SPTBN2: variants seen among roughly 807,000 people sequenced by gnomAD.
SPTBN2 encodes the protein spectrin beta chain, non-erythrocytic 2.
SPTBN2 carries 107 observed loss-of-function variants against 284.2 expected under a neutral mutation model. That is an observed-to-expected ratio of 0.38 (90% CI 0.32 to 0.44). The LOEUF is 0.44. Ranked by LOEUF, SPTBN2 falls within the 20% of genes least tolerant of loss-of-function variation. SPTBN2 has a pLI of 1.00. For missense variants in SPTBN2, 2,569 were observed against 3,287.1 expected (o/e 0.78, Z 5.34); for synonymous variants, 1,289 against 1,354.8 (o/e 0.95, Z 1.07).
chr11:66,737,217 G>A (rs973757611), intron 1 of SPTBN2, among the ~76,000 whole-genome samples: 2 of 152,118 alleles, frequency 1.3e-5, no homozygotes, highest in African/African-American at 4.8e-5. Flanking sequence ...TGTTAAAGGG[G>A]GAGATTATTT....
intron 36 of SPTBN2, 53 bp from the exon 37 acceptor site, chr11:66,686,493 T>C (rs1372899555): frequency 6.2e-7 from 1 of 1,604,160 alleles, no homozygotes; most frequent in Non-Finnish European, 8.5e-7. Flanking sequence ...ATCTGCCAGG[T>C]AGCTGCTGGT....
chr11:66,699,510 A>G lies in SPTBN2; in HGVS notation c.3672T>C (p.Asn1224=), dbSNP rs1941124355. The G allele has an allele frequency of 6.2e-7, 1 of 1,613,876 alleles. No homozygotes were observed. The highest frequency in any genetic ancestry group is 8.5e-7 in the Non-Finnish European group (1 of 1,179,992). The change falls in exon 18 of 38, where the codon AAT becomes AAC. Residue 1224 remains asparagine (N), a synonymous_variant. Transcript: ENST00000533211. ...CCAGGAGCCCGTGGATCCGTTCCCC[A>G]TTGGCGTCCATGGTGCTCATGAAGT... ...LEDFMSTMDA[N]GERIHGLLEA...
chr11:66,713,368 A>T (rs1218284456), intron 8 of SPTBN2, among the ~76,000 whole-genome samples: 1 of 151,378 alleles, frequency 6.6e-6, no homozygotes, highest in South Asian at 2.1e-4. Context: ...CCAGGCTGGT[A>T]CCAAACTCCT....
chr11:66,723,292 A>T (rs901015849), intron 1 of SPTBN2, among the ~76,000 whole-genome samples: 2 of 151,966 alleles, frequency 1.3e-5, no homozygotes, highest in African/African-American at 4.8e-5. Flanking sequence ...CTGGGTCTGT[A>T]ACTTTAACAA....
intron 7 of SPTBN2, 25 bp from the exon 8 acceptor site, chr11:66,713,771 G>A (rs1338109415): frequency 2.0e-6 from 3 of 1,534,660 alleles, no homozygotes; most frequent in Non-Finnish European, 2.7e-6. Flanking sequence ...AAGACAGAAG[G>A]GATCAGAAAC....
chr11:66,731,979 A>C (rs1482992775), upstream of SPTBN2, among the ~76,000 whole-genome samples: 2 of 152,242 alleles, frequency 1.3e-5, no homozygotes, highest in African/African-American at 4.8e-5. Context: ...AAAGTTCAGG[A>C]TGTTAAGAGA....
chr11:66,687,871 C>T lies in SPTBN2; in HGVS notation c.6498G>A (p.Gly2166=). The T allele has an allele frequency of 6.2e-7, 1 of 1,614,164 alleles. No homozygotes were observed. Among genetic ancestry groups the T allele is most frequent in the Non-Finnish European group, 8.5e-7 (1 of 1,180,018 alleles). Residue 2166 remains glycine (G), a synonymous_variant, in exon 34 of 38, where the codon GGG becomes GGA. Transcript: ENST00000533211. This position sits in a 1 kb window ranked among gnomAD's most constrained non-coding sequence, Gnocchi z 5.2. The part of the protein sequence containing the change: ...QRLEHSSFPE[G]PGPGSGDEAN... ...CCACACTTGCAGGGGAACTCACCGGCCCTTCGGGGAAGCTGCTGTGCTCAA... is the reference window on the plus strand; with the variant it reads ...CCACACTTGCAGGGGAACTCACCGGTCCTTCGGGGAAGCTGCTGTGCTCAA...
chr11:66,689,154 C>T lies in SPTBN2; in HGVS notation c.5976G>A (p.Gln1992=). The change falls in exon 30 of 38, where the codon CAG becomes CAA. Residue 1992 remains glutamine (Q), a synonymous_variant. Coordinates refer to ENST00000533211, the MANE Select transcript of SPTBN2 (RefSeq NM_006946.4). ...EEISEKLSQL[Q]ARRQETAEKW... is the part of the protein sequence containing the mutation. ...TCTCAGCTGTCTCCTGGCGCCGTGC[C>T]TGCAGCTGAGACAGCTTCTCTGAGA... 6.2e-7 allele frequency: 1 copy of T among 1,609,544 alleles called. No homozygotes were observed. The highest frequency in any genetic ancestry group is 8.5e-7 in the Non-Finnish European group (1 of 1,177,696).
At chr11:66,705,514 G>A (rs775877780) in intron 14 of SPTBN2, 46 bp from the exon 15 acceptor site, 34 of 1,611,274 alleles carry the variant, frequency 2.1e-5, no homozygotes, top group Non-Finnish European at 2.5e-5. Flanking sequence ...CCAGCCCTCC[G>A]GCTGCTCCCT....
In SPTBN2 at chr11:66,688,983, T is replaced by C. The variant is rs960744724; in HGVS notation, c.6034+113A>G. On this transcript the variant is annotated intron_variant, in intron 30 of 37. Transcript: ENST00000533211. The stretch of plus-strand genomic sequence containing the variant: ...AGAGCTGTGCCAGGCAGCACGAAGA[T>C]TGGGCATCGTGAGTTTCACACCCAG... 8.4e-5 allele frequency: 123 copies of C among 1,456,152 alleles called. 1 individual carries two copies. In the Admixed American group the frequency reaches 2.4e-3, roughly 28 times the overall value. The allele number at this position is 1,456,152 out of a possible 1,614,324, so 90.2% of individuals were successfully genotyped here. A position where few individuals can be genotyped will look rare whatever the true frequency, so the allele number is the denominator to read the frequency against.
Position 66,704,933 on chromosome 11 carries a change from G to C in SPTBN2, c.2343C>G (p.Ser781=). The C allele has an allele frequency of 6.2e-7, 1 of 1,611,326 alleles. No homozygotes were observed. Among genetic ancestry groups the C allele is most frequent in the Non-Finnish European group, 8.5e-7 (1 of 1,179,910 alleles). The change falls in exon 15 of 38, where the codon TCC becomes TCG. Residue 781 remains serine (S), a synonymous_variant. Coordinates refer to ENST00000533211, the MANE Select transcript of SPTBN2 (RefSeq NM_006946.4). The part of the protein sequence containing the change: ...SSPELGHDEF[S]TQALARQHRA... The stretch of plus-strand genomic sequence containing the variant: ...GATGCTGCCTGGCTAGAGCCTGCGT[G>C]GAGAACTCGTCGTGCCCCAGCTCGG...
Position 66,683,274 on chromosome 11 carries a change from G to A in SPTBN2, c.*2597C>T, listed in dbSNP as rs1239901327. Among the ~76,000 whole-genome samples, 2 of 151,454 alleles carry A rather than the reference G, an allele frequency of 1.3e-5. 1 individual carries two copies. Among genetic ancestry groups the A allele is most frequent in the Non-Finnish European group, 2.9e-5 (2 of 67,886 alleles). On this transcript the variant is annotated 3_prime_UTR_variant, in exon 38 of 38. Transcript: ENST00000533211. ...GTAGAGACGGGGTTTCACCGTTTTA[G>A]CCGGGATGGTCTCGATCTCCTGACC...
Position 66,688,180 on chromosome 11 carries a change from G to A in SPTBN2, c.6363C>T (p.Thr2121=). 1 of 1,613,574 alleles carries A rather than the reference G, an allele frequency of 6.2e-7. No homozygotes were observed. The change falls in exon 32 of 38, where the codon ACC becomes ACT. Residue 2121 remains threonine, a synonymous_variant. Coordinates refer to ENST00000533211, the MANE Select transcript of SPTBN2 (RefSeq NM_006946.4). ...ATCCTGGCTCTCACCCGTCCCAGGT[G>A]GTGTCAGAAGCTGTCTGGCCGCCCA... is the stretch of plus-strand genomic sequence containing the variant. ...DLVGGQTASD[T]TWDGTQPRPP...
rs538816080 is a variant in SPTBN2, at chr11:66,694,232, G to A, written c.4410C>T (p.Phe1470=). ...ERTSRAVEEK[F]RALCQPMRER... ...CCCGCATGGGCTGGCACAAGGCCCT[G>A]AACTTCTCCTCCACGGCCCTCGAGG... Residue 1470 remains phenylalanine, a synonymous_variant, in exon 22 of 38, where the codon TTC becomes TTT. Transcript: ENST00000533211. The A allele has an allele frequency of 1.6e-5, 26 of 1,614,086 alleles. No homozygotes were observed. In the South Asian group the frequency reaches 2.6e-4, roughly 16 times the overall value.
intron 3 of SPTBN2, among the ~76,000 whole-genome samples, chr11:66,716,969 A>T (rs1942177876): frequency 1.3e-5 from 2 of 152,188 alleles, no homozygotes; most frequent in Non-Finnish European, 2.9e-5. Context: ...TGGATAACTT[A>T]AAGAAAAGGC....
At position 66,710,816 on chromosome 11, in the gene SPTBN2, C is replaced by A. The variant is rs1941820867; in HGVS notation, c.886-47G>T. The A allele has an allele frequency of 6.2e-7, 1 of 1,612,586 alleles. No homozygotes were observed. Among genetic ancestry groups the A allele is most frequent in the African/African-American group, 1.3e-5 (1 of 75,056 alleles). ...CGTGACAGTCCCAGCCACAGGGTCC[C>A]TGGCCCAGTCCTGCAGCTCCACCCT... On this transcript the variant is annotated intron_variant, in intron 9 of 37. Coordinates refer to ENST00000533211, the MANE Select transcript of SPTBN2 (RefSeq NM_006946.4). This position sits in a 1 kb window ranked among gnomAD's most constrained non-coding sequence, Gnocchi z 4.9.
chr11:66,707,387 A>G lies in SPTBN2; in HGVS notation c.1653+129T>C. ...GGCCCTGTTTACTTTGTTCCCTGCA[A>G]CTGGGGACAGGGCCCTGTGCTGGTT... is the stretch of plus-strand genomic sequence containing the variant. On this transcript the variant is annotated intron_variant, in intron 13 of 37. Coordinates refer to ENST00000533211, the MANE Select transcript of SPTBN2 (RefSeq NM_006946.4). This position sits in a 1 kb window ranked among gnomAD's most constrained non-coding sequence, Gnocchi z 4.9. 2.0e-6 allele frequency: 2 copies of G among 989,512 alleles called. No individual in the cohort carries two copies. The highest frequency in any genetic ancestry group is 1.6e-5 in the South Asian group (1 of 62,652). 61.3% of individuals were successfully genotyped at this position (989,512 alleles called of 1,614,324 possible).
chr11:66,707,299 C>T lies in SPTBN2; in HGVS notation c.1653+217G>A, dbSNP rs920562191. On this transcript the variant is annotated intron_variant, in intron 13 of 37. Transcript: ENST00000533211. The surrounding 1 kb of genome is among the most constrained non-coding windows in gnomAD (Gnocchi z 4.9). ...TTTATGGCCCCTGCTCTTTTGTTTA[C>T]GGAAAGGTCCGTGGGTTTTGTCATC... 1.3e-5 allele frequency among the ~76,000 whole-genome samples: 2 copies of T among 152,206 alleles called. No individual in the cohort carries two copies. Among genetic ancestry groups the T allele is most frequent in the Non-Finnish European group, 2.9e-5 (2 of 68,032 alleles).
At position 66,696,348 on chromosome 11, in the gene SPTBN2, G is replaced by A; in HGVS notation, c.4207C>T (p.Gln1403Ter). 1 of 1,613,226 alleles carries A rather than the reference G, an allele frequency of 6.2e-7. No homozygotes were observed. Among genetic ancestry groups the A allele is most frequent in the South Asian group, 1.1e-5 (1 of 91,090 alleles). ...CALESWLESL[Q>*]AQLHSDDYGK... ...TAGTCATCCGAGTGCAGCTGGGCCT[G>A]CAGGCTCTCCAGCCAGCTCTCCAGG... The change falls in exon 21 of 38, where the codon CAG (glutamine) becomes TAG (stop). Residue 1403 changes from glutamine to a stop codon, truncating the protein, a stop_gained. Coordinates refer to ENST00000533211, the MANE Select transcript of SPTBN2 (RefSeq NM_006946.4). LOFTEE classifies it high-confidence loss of function.
Sources: gnomAD v4.1 joint callset for allele counts (sites outside exome capture counted in the v4.1 genomes callset) on GRCh38, gnomAD v4.1.1 for gene constraint, Gnocchi (gnomAD v3.1) non-coding constraint, MANE v1.5 for transcripts, NCBI Gene and HGNC (gene_info 2026-07-23, HGNC 2026-07-21) for gene names.